SP3: variants seen among roughly 807,000 people sequenced by gnomAD.
The protein encoded by SP3 is Sp3 transcription factor, also known as transcription factor Sp3.
SP3 carries 10 observed loss-of-function variants against 70.3 expected under a neutral mutation model. That is an observed-to-expected ratio of 0.14 (90% CI 0.09 to 0.24). The LOEUF is 0.24. SP3 is among the 10% of genes least tolerant of loss of function. The pLI, the probability that SP3 is intolerant of heterozygous loss-of-function variation, is 1.00. For synonymous variants in SP3, 402 were observed against 333.5 expected, an observed-to-expected ratio of 1.21 and a Z score of -2.24; for missense variants, 825 against 914.6, an observed-to-expected ratio of 0.90 and a Z score of 1.26.
intron 4 of SP3, among the ~76,000 whole-genome samples, chr2:173,925,741 C>A (rs1193580048): frequency 6.6e-6 from 1 of 152,168 alleles, no homozygotes; most frequent in Non-Finnish European, 1.5e-5. Context: ...ACACAATACT[C>A]TTTCCTAAGG....
In SP3 at chr2:173,962,360, TA is replaced by T. The variant is rs1233538520; in HGVS notation, c.279+1400del. 3.3e-5 allele frequency among the ~76,000 whole-genome samples: 5 copies of T among 152,370 alleles called. No homozygotes were observed. The East Asian group carries it at 5.8e-4, about 18-fold the overall frequency. On this transcript the variant is annotated intron_variant, in intron 3 of 6. Transcript: ENST00000310015. Reference sequence around the variant, plus strand: ...AAGCAATCTGCTTTTTAATTTTACTTATGCAGTAGTTTTTTAAGATACAGTC... The same window carrying T: ...AAGCAATCTGCTTTTTAATTTTACTTTGCAGTAGTTTTTTAAGATACAGTC...
chr2:173,949,339 C>CAT (rs1690642244), intron 4 of SP3, among the ~76,000 whole-genome samples: 1 of 148,364 alleles, frequency 6.7e-6, no homozygotes, highest in South Asian at 2.1e-4. Context: ...ATACTTTATT[C>CAT]AAGGCTAGTA....
chr2:173,917,255 GAA>G (rs1420875799), intron 5 of SP3, among the ~76,000 whole-genome samples: 1 of 152,094 alleles, frequency 6.6e-6, no homozygotes, highest in East Asian at 1.9e-4. Flanking sequence ...ATGAGTTTCA[GAA>G]AAGTTACTGC....
intron 3 of SP3, among the ~76,000 whole-genome samples, chr2:173,960,966 ACT>A (rs1691053773): frequency 6.6e-6 from 1 of 152,074 alleles, no homozygotes; most frequent in African/African-American, 2.4e-5. Context: ...ACAGAGTGAG[ACT>A]CTGTCTCAAA....
chr2:173,913,482 G>A (rs897353974), intron 5 of SP3: 10 of 337,548 alleles, frequency 3.0e-5, no homozygotes, highest in Middle Eastern at 7.8e-4. Context: ...GAATTAATGT[G>A]ATTGTTGTCC....
intron 4 of SP3, among the ~76,000 whole-genome samples, chr2:173,943,518 T>TG (rs1297899559): frequency 2.3e-4 from 35 of 152,294 alleles, no homozygotes; most frequent in African/African-American, 4.1e-4. Flanking sequence ...TTTTATGAGA[T>TG]GGGGGTCTCA....
intron 2 of SP3, chr2:173,964,190 C>G: frequency 4.3e-6 from 2 of 460,254 alleles, no homozygotes; most frequent in South Asian, 3.4e-5. Context: ...CACACTCACA[C>G]GCGCACAAAA....
At chr2:173,961,858 C>T (rs1011636311) in intron 3 of SP3, among the ~76,000 whole-genome samples, 1 of 150,736 alleles carries the variant, frequency 6.6e-6, no homozygotes, top group African/African-American at 2.4e-5. Context: ...CAAATACACA[C>T]AAGCCAGTCT....
intron 4 of SP3, among the ~76,000 whole-genome samples, chr2:173,947,769 G>A (rs1369495746): frequency 6.6e-6 from 1 of 152,142 alleles, no homozygotes; most frequent in African/African-American, 2.4e-5. Flanking sequence ...AGGTTTGCAG[G>A]ATCATCTTGA....
chr2:173,913,108 C>A lies in SP3; in HGVS notation c.1991G>T (p.Arg664Leu). 2 of 1,610,838 alleles carry A rather than the reference C, an allele frequency of 1.2e-6. No individual in the cohort carries two copies. The highest frequency in any genetic ancestry group is 8.5e-7 in the Non-Finnish European group (1 of 1,178,240). ...TCTGTGCCTCTGTAATTCATCACTT[C>A]GAGTAAATCTTTTACCACAGTACAT... ...NWMYCGKRFT[R>L]SDELQRHRRT... Residue 664 changes from arginine to leucine, a missense_variant, in exon 6 of 7, where the codon CGA becomes CTA. Around this residue, in one of 4 missense-constraint regions of SP3, gnomAD observed 19 missense variants for 99.4 expected, o/e 0.19. Transcript: ENST00000310015.
At chr2:173,941,316 G>T (rs1690367122) in intron 4 of SP3, among the ~76,000 whole-genome samples, 2 of 152,034 alleles carry the variant, frequency 1.3e-5, no homozygotes, top group South Asian at 4.1e-4. Context: ...CACAATATAT[G>T]AATAGATAAT....
At chr2:173,965,613 C>G, upstream of SP3, 1 of 207,848 alleles carries the variant, frequency 4.8e-6, no homozygotes, top group South Asian at 5.8e-5. Flanking sequence ...CGCTGCCAGG[C>G]CCGAGGCGCA....
intron 4 of SP3, among the ~76,000 whole-genome samples, chr2:173,920,087 C>A (rs1474092092): frequency 6.6e-6 from 1 of 151,908 alleles, no homozygotes; most frequent in Non-Finnish European, 1.5e-5. Context: ...AAAAGAAGCC[C>A]CCCCGCACCC....
At chr2:173,950,596 G>A (rs1559106106) in intron 4 of SP3, among the ~76,000 whole-genome samples, 1 of 149,602 alleles carries the variant, frequency 6.7e-6, no homozygotes, top group Non-Finnish European at 1.5e-5. Context: ...AGGAGTTTGA[G>A]ATCACAATGC....
At chr2:173,921,444 T>C (rs559465863) in intron 4 of SP3, among the ~76,000 whole-genome samples, 2 of 152,300 alleles carry the variant, frequency 1.3e-5, no homozygotes, top group Non-Finnish European at 2.9e-5. Context: ...ATATCAGCAC[T>C]TTGGGAGACC....
chr2:173,926,189 G>A (rs2105467113), intron 4 of SP3, among the ~76,000 whole-genome samples: 1 of 152,196 alleles, frequency 6.6e-6, no homozygotes, highest in Admixed American at 6.5e-5. Context: ...GTATCACAAT[G>A]TCTAGTCTAA....
rs1691245982 is a variant in SP3 at position 173,964,991 on chromosome 2, A to G, written c.7+174T>C. On this transcript the variant is annotated intron_variant, in intron 1 of 6. Transcript: ENST00000310015. ...GGCGTTGCTGGGGCTTCGGGGGTGGACGGTGGCTGGCGGGGAGGGGAGGGA... is the reference window on the plus strand; with the variant it reads ...GGCGTTGCTGGGGCTTCGGGGGTGGGCGGTGGCTGGCGGGGAGGGGAGGGA... 3.6e-5 allele frequency: 29 copies of G among 811,464 alleles called. No individual in the cohort carries two copies. The South Asian group carries it at 5.6e-4, about 16-fold the overall frequency. 50.3% of individuals were successfully genotyped at this position (811,464 alleles called of 1,614,324 possible).
intron 4 of SP3, among the ~76,000 whole-genome samples, chr2:173,926,470 T>C (rs983203087): frequency 3.9e-5 from 6 of 152,000 alleles, no homozygotes; most frequent in Non-Finnish European, 5.9e-5. Flanking sequence ...AGAAAAGCCC[T>C]GTCTTTCAAC....
chr2:173,901,804 C>T lies in SP3; in HGVS notation c.*8137G>A, dbSNP rs1316528414. ...GCAACCTATGCCTCCTGCGTTCAAG[C>T]GATTCTCGTGCCTCAGCCTCCCGAG... On this transcript the variant is annotated 3_prime_UTR_variant, in exon 7 of 7. Transcript: ENST00000310015. Among the ~76,000 whole-genome samples the T allele has an allele frequency of 1.3e-5, 2 of 148,732 alleles. No homozygotes were observed. Among genetic ancestry groups the T allele is most frequent in the African/African-American group, 4.9e-5 (2 of 40,426 alleles).
Sources: allele counts gnomAD v4.1 joint callset (sites outside exome capture counted in the v4.1 genomes callset), GRCh38; gene constraint gnomAD v4.1.1; regional missense constraint gnomAD v4.1.1; transcripts MANE v1.5; gene names NCBI Gene and HGNC (gene_info 2026-07-23, HGNC 2026-07-21).